The following MGST2 variants were observed in gnomAD, a reference collection of about 807,000 sequenced individuals.
MGST2 encodes the protein glutathione peroxidase MGST2.
In MGST2, 9 loss-of-function variants were observed where a neutral mutation model predicts 16.6. The ratio of observed to expected loss-of-function variants is 0.54; its 90% CI spans 0.33 to 0.95. The LOEUF (loss-of-function observed/expected upper bound fraction) is 0.95. MGST2 is among the 40% of genes least tolerant of loss of function. The pLI is 0.03. For missense variants in MGST2, 159 were observed against 175.1 expected, an observed-to-expected ratio of 0.91 and a Z score of 0.52; for synonymous variants, 79 against 68.0, an observed-to-expected ratio of 1.16 and a Z score of -0.79.
chr4:139,678,977 C>A (rs795588), intron 2 of MGST2: 166,928 of 330,576 alleles, frequency 0.5, 44,135 homozygotes, highest in East Asian at 0.88. Context: ...AAGTTGGATT[C>A]GTTATGCTAC....
At chr4:139,699,878 A>T (rs528150355) in intron 3 of MGST2, among the ~76,000 whole-genome samples, 1 of 151,938 alleles carries the variant, frequency 6.6e-6, no homozygotes, top group African/African-American at 2.4e-5. Context: ...TGTCTACAAA[A>T]TTTTTTTTAA....
At chr4:139,750,221 GC>G in the MGST2 span, among the ~76,000 whole-genome samples, 1 of 152,226 alleles carries the variant, frequency 6.6e-6, no homozygotes, top group Non-Finnish European at 1.5e-5. Context: ...GCCTCCCATA[GC>G]TCCAAGTGAC....
intron 2 of MGST2, among the ~76,000 whole-genome samples, chr4:139,689,106 C>CAAA (rs746270352): frequency 4.5e-4 from 28 of 62,136 alleles, no homozygotes; most frequent in African/African-American, 8.1e-4. Context: ...GACGCCATCT[C>CAAA]AAAAAAAAAA....
chr4:139,670,140 T>C (rs1730595340), intron 1 of MGST2, among the ~76,000 whole-genome samples: 1 of 151,726 alleles, frequency 6.6e-6, no homozygotes, highest in Admixed American at 6.6e-5. Context: ...ATCCTGTGCC[T>C]TGGTAGAGAC....
At chr4:139,729,700 A>T (rs1377316297) in intron 5 of MGST2, among the ~76,000 whole-genome samples, 1 of 152,236 alleles carries the variant, frequency 6.6e-6, no homozygotes, top group African/African-American at 2.4e-5. Flanking sequence ...CTCTAAAAAC[A>T]AAACAAATTG....
chr4:139,751,311 C>T, the MGST2 span, among the ~76,000 whole-genome samples: 9 of 152,196 alleles, frequency 5.9e-5, no homozygotes, highest in Admixed American at 3.3e-4. Context: ...AGAAGTATTA[C>T]GAATTTCTTG....
chr4:139,722,651 A>G (rs910807406), intron 5 of MGST2, among the ~76,000 whole-genome samples: 1 of 152,230 alleles, frequency 6.6e-6, no homozygotes, highest in Non-Finnish European at 1.5e-5. Context: ...TTGTGAAAAA[A>G]ATAAGTATTT....
At position 139,725,048 on chromosome 4, in the gene MGST2, C is replaced by T. The variant is rs951991102; in HGVS notation, c.*49-15164C>T. On this transcript the variant is annotated intron_variant, in intron 5 of 5. Coordinates refer to the MGST2 transcript ENST00000616265. ...TGCTAGGATTATAGGCGTGAGCCACCGCACCCGGCCAAGGGCTCTCTCTAT... is the reference window on the plus strand; with the variant it reads ...TGCTAGGATTATAGGCGTGAGCCACTGCACCCGGCCAAGGGCTCTCTCTAT... 9.2e-5 allele frequency among the ~76,000 whole-genome samples: 14 copies of T among 152,152 alleles called. 1 individual carries two copies. The highest frequency in any genetic ancestry group is 2.6e-4 in the Admixed American group (4 of 15,276).
intron 5 of MGST2, among the ~76,000 whole-genome samples, chr4:139,714,259 C>A (rs747932639): frequency 6.6e-6 from 1 of 152,198 alleles, no homozygotes; most frequent in Non-Finnish European, 1.5e-5. Context: ...ACAAAATACA[C>A]CAGCTTAAGA....
intron 3 of MGST2, among the ~76,000 whole-genome samples, chr4:139,697,270 G>C (rs1478489881): frequency 6.6e-6 from 1 of 152,066 alleles, no homozygotes; most frequent in Non-Finnish European, 1.5e-5. Flanking sequence ...CCTGGAGCTT[G>C]CTTCTCTTCT....
chr4:139,736,835 G>C (rs1437105513), intron 5 of MGST2, among the ~76,000 whole-genome samples: 1 of 152,194 alleles, frequency 6.6e-6, no homozygotes, highest in Non-Finnish European at 1.5e-5. Context: ...ATAATCCTGT[G>C]CCCTGATTAG....
chr4:139,711,593 C>T (rs182038542), intron 5 of MGST2, among the ~76,000 whole-genome samples: 6 of 152,248 alleles, frequency 3.9e-5, no homozygotes, highest in Admixed American at 6.5e-5. Flanking sequence ...AGGTCACTCT[C>T]GTCGCCATTT....
At chr4:139,682,700 G>A (rs1025421764) in intron 2 of MGST2, among the ~76,000 whole-genome samples, 3 of 152,272 alleles carry the variant, frequency 2.0e-5, no homozygotes, top group East Asian at 1.9e-4. Context: ...ATTGGTAGAA[G>A]CAGAAAATGC....
intron 1 of MGST2, 24 bp downstream of exon 1, chr4:139,666,101 T>TGTGTGCGC (rs771273064): frequency 5.2e-6 from 8 of 1,531,152 alleles, no homozygotes; most frequent in Non-Finnish European, 7.0e-6. Context: ...GAAGTTCGTG[T>TGTGTGCGC]GTGTGCGCGT....
chr4:139,673,553 T>C lies in MGST2; in HGVS notation c.59-4990T>C, dbSNP rs539285712. Among the ~76,000 whole-genome samples, 3 of 152,252 alleles carry C rather than the reference T, an allele frequency of 2.0e-5. No homozygotes were observed. The South Asian group carries it at 6.2e-4, about 32-fold the overall frequency. ...TCCTAAGTAGCTGGAACTACAGGCGTGCACCATCACCACACCTGGTTAATT... is the reference window on the plus strand; with the variant it reads ...TCCTAAGTAGCTGGAACTACAGGCGCGCACCATCACCACACCTGGTTAATT... On this transcript the variant is annotated intron_variant, in intron 1 of 4. Coordinates refer to ENST00000265498, the MANE Select transcript of MGST2 (RefSeq NM_002413.5).
chr4:139,700,560 G>A (rs1363231318), intron 3 of MGST2, among the ~76,000 whole-genome samples: 1 of 152,232 alleles, frequency 6.6e-6, no homozygotes, highest in East Asian at 1.9e-4. Flanking sequence ...GAGGTACAGA[G>A]ATGTTAAGTA....
chr4:139,715,153 C>T lies in MGST2; in HGVS notation c.*48+10957C>T, dbSNP rs1444230348. Among the ~76,000 whole-genome samples, 2 of 152,150 alleles carry T rather than the reference C, an allele frequency of 1.3e-5. No individual in the cohort carries two copies. The highest frequency in any genetic ancestry group is 4.8e-5 in the African/African-American group (2 of 41,430). On this transcript the variant is annotated intron_variant, in intron 5 of 5. Transcript: ENST00000616265. This position sits in a 1 kb window ranked among gnomAD's most constrained non-coding sequence, Gnocchi z 4.4. ...CCTTTTATTAAGGGGGAGCCTTTAA[C>T]CACCTCTATCTTAGGAGAGACTCTA...
At chr4:139,691,679 G>GATT (rs1347865102) in intron 2 of MGST2, among the ~76,000 whole-genome samples, 76 of 134,034 alleles carry the variant, frequency 5.7e-4, no homozygotes, top group African/African-American at 2.2e-3. Context: ...TGATGATGAT[G>GATT]ATGATGATGA....
At chr4:139,744,315 A>T (rs1729255621), downstream of MGST2, among the ~76,000 whole-genome samples, 1 of 152,272 alleles carries the variant, frequency 6.6e-6, no homozygotes, top group Non-Finnish European at 1.5e-5. Flanking sequence ...CAGCTTCCAG[A>T]TCTTAGAGTT....
Sources: allele counts gnomAD v4.1 joint callset (sites outside exome capture counted in the v4.1 genomes callset), GRCh38; gene constraint gnomAD v4.1.1; non-coding constraint Gnocchi (gnomAD v3.1); transcripts MANE v1.5; gene names NCBI Gene and HGNC (gene_info 2026-07-23, HGNC 2026-07-21).